TAF2: variants seen among roughly 807,000 people sequenced by gnomAD.
The protein encoded by TAF2 is transcription initiation factor TFIID subunit 2.
A neutral mutation model predicts 138.5 loss-of-function variants in TAF2; 61 were observed. The ratio of observed to expected loss-of-function variants is 0.44; its 90% CI spans 0.36 to 0.54. TAF2 has a LOEUF of 0.54. Among genes scored for constraint, TAF2 ranks in the 20% least tolerant of loss-of-function variants. The pLI is 0.00. For synonymous variants in TAF2, 475 were observed against 469.9 expected, an observed-to-expected ratio of 1.01 and a Z score of -0.14; for missense variants, 1,090 against 1,427.9, an observed-to-expected ratio of 0.76 and a Z score of 3.81.
At chr8:119,793,521 G>A in intron 9 of TAF2, 70 bp from the exon 10 acceptor site, 1 of 1,063,134 alleles carries the variant, frequency 9.4e-7, no homozygotes, top group Non-Finnish European at 1.4e-6. Context: ...CCAAATTTTA[G>A]AATTAAACTG....
At chr8:119,807,284 T>C (rs1344157501) in intron 3 of TAF2, among the ~76,000 whole-genome samples, 2 of 152,216 alleles carry the variant, frequency 1.3e-5, no homozygotes, top group African/African-American at 4.8e-5. Context: ...TCCATAGTTA[T>C]CTGACCTTAT....
intron 25 of TAF2, among the ~76,000 whole-genome samples, chr8:119,735,944 T>C (rs1269141542): frequency 6.6e-6 from 1 of 152,194 alleles, no homozygotes; most frequent in Non-Finnish European, 1.5e-5. Context: ...TCATTCTATA[T>C]CAACAGACTT....
At chr8:119,818,686 G>A (rs1166624917) in intron 3 of TAF2, among the ~76,000 whole-genome samples, 1 of 151,138 alleles carries the variant, frequency 6.6e-6, no homozygotes, top group African/African-American at 2.4e-5. Flanking sequence ...ACTACACTGA[G>A]CAAATGGAGT....
intron 19 of TAF2, among the ~76,000 whole-genome samples, chr8:119,761,172 G>A (rs959180769): frequency 1.3e-5 from 2 of 151,938 alleles, no homozygotes; most frequent in Non-Finnish European, 2.9e-5. Flanking sequence ...CTTTTATACC[G>A]TATTTTTACC....
intron 14 of TAF2, among the ~76,000 whole-genome samples, chr8:119,786,783 G>A (rs544202429): frequency 3.9e-5 from 6 of 152,214 alleles, no homozygotes; most frequent in South Asian, 2.1e-4. Context: ...GTAGCGGGGC[G>A]TGGTGGCAGG....
intron 9 of TAF2, 76 bp downstream of exon 9, chr8:119,795,456 T>G: frequency 7.8e-7 from 1 of 1,280,022 alleles, no homozygotes; most frequent in East Asian, 2.4e-5. Context: ...CAAGCAGTAT[T>G]TTAAAAGTAT....
At chr8:119,809,425 A>G (rs955722940) in intron 3 of TAF2, among the ~76,000 whole-genome samples, 1 of 152,212 alleles carries the variant, frequency 6.6e-6, no homozygotes, top group Non-Finnish European at 1.5e-5. Context: ...CACATCAGCA[A>G]TAAGACTGTT....
At chr8:119,796,678 C>T (rs1378092934) in intron 8 of TAF2, among the ~76,000 whole-genome samples, 1 of 152,016 alleles carries the variant, frequency 6.6e-6, no homozygotes, top group African/African-American at 2.4e-5. Context: ...TTATAAACTG[C>T]AGAAGTGATT....
chr8:119,761,796 G>C (rs1446470942), intron 19 of TAF2: 1 of 143,510 alleles, frequency 7.0e-6, no homozygotes, highest in Non-Finnish European at 1.5e-5. Context: ...GCGAAACTTG[G>C]TCTCAAAAAA....
chr8:119,818,715 T>C (rs924594652), intron 3 of TAF2, among the ~76,000 whole-genome samples: 1 of 140,548 alleles, frequency 7.1e-6, no homozygotes, highest in African/African-American at 2.6e-5. Context: ...ACCACAAAGA[T>C]GACAAAAAAA....
intron 14 of TAF2, among the ~76,000 whole-genome samples, chr8:119,786,505 T>C (rs1823020602): frequency 6.6e-6 from 1 of 152,126 alleles, no homozygotes; most frequent in South Asian, 2.1e-4. Flanking sequence ...TAAAACTAAA[T>C]GTTAAAAATT....
chr8:119,735,390 T>C (rs768157857), intron 25 of TAF2, among the ~76,000 whole-genome samples: 6 of 152,174 alleles, frequency 3.9e-5, no homozygotes, highest in Non-Finnish European at 8.8e-5. Context: ...TCCAACTAAA[T>C]ATAACTTGAA....
chr8:119,802,072 T>C, intron 5 of TAF2, 47 bp from the exon 6 acceptor site: 2 of 1,459,016 alleles, frequency 1.4e-6, no homozygotes, highest in Non-Finnish European at 1.9e-6. Flanking sequence ...AAGAGTTCTC[T>C]ACATTGTTTT....
At position 119,791,469 on chromosome 8, in the gene TAF2, AT is replaced by A. The variant is rs756971477; in HGVS notation, c.1278-11del. 23 of 1,611,782 alleles carry A rather than the reference AT, an allele frequency of 1.4e-5. No homozygotes were observed. The highest frequency in any genetic ancestry group is 2.0e-5 in the Non-Finnish European group (23 of 1,178,648). On this transcript the variant is annotated splice_polypyrimidine_tract_variant and intron_variant, in intron 10 of 25. Transcript: ENST00000378164. ...TAGATGGGAAGCCGGACTAAAAAAA[AT>A]AAACACATTTACCTAATACAGCAAA...
At chr8:119,742,848 G>A (rs1819691900) in intron 24 of TAF2, among the ~76,000 whole-genome samples, 192 bp from the exon 25 acceptor site, 1 of 152,058 alleles carries the variant, frequency 6.6e-6, no homozygotes, top group South Asian at 2.1e-4. Context: ...TTGGGAGGCT[G>A]AGGAGGGAGG....
intron 16 of TAF2, among the ~76,000 whole-genome samples, chr8:119,781,931 G>A (rs1395351762): frequency 2.0e-5 from 3 of 152,028 alleles, no homozygotes; most frequent in Admixed American, 6.6e-5. Context: ...CAAGTGATCC[G>A]CCTGCCTCGG....
chr8:119,739,011 T>G (rs1277462), intron 25 of TAF2, among the ~76,000 whole-genome samples: 1 of 102,452 alleles, frequency 9.8e-6, no homozygotes, highest in African/African-American at 4.1e-5. Flanking sequence ...TTTAAAGAAG[T>G]TTTTTTTTTT....
Position 119,801,985 on chromosome 8 carries a change from T to C in TAF2, c.601A>G (p.Thr201Ala). 6.2e-7 allele frequency: 1 copy of C among 1,614,132 alleles called. No homozygotes were observed. Among genetic ancestry groups the C allele is most frequent in the Non-Finnish European group, 8.5e-7 (1 of 1,180,010 alleles). Residue 201 changes from threonine (T) to alanine (A), a missense_variant, in exon 6 of 26, where the codon ACA becomes GCA. This residue lies in a region of TAF2 where 504 missense variants were observed against 680.9 expected (regional missense o/e 0.74). Coordinates refer to ENST00000378164, the MANE Select transcript of TAF2 (RefSeq NM_003184.4). ...TCTACTGTAAATTCTAATTTCCATG[T>C]ACACAATTCAGAGTATGAATCAACA... The part of the protein sequence containing the change: ...PCVDSYSELC[T>A]WKLEFTVDAA...
chr8:119,785,183 T>TCC lies in TAF2; in HGVS notation c.1859+17_1859+18insGG, dbSNP rs774558995. 2.0e-5 allele frequency: 32 copies of TCC among 1,590,914 alleles called. No homozygotes were observed. The highest frequency in any genetic ancestry group is 2.8e-5 in the Non-Finnish European group (32 of 1,159,130). ...TGCAGAAAGTATTATAACCTTATAT[T>TCC]TAAGTTAACTAACTTACTCCATTGC... On this transcript the variant is annotated intron_variant, in intron 15 of 25. Transcript: ENST00000378164.
Sources: gnomAD v4.1 joint callset for allele counts (sites outside exome capture counted in the v4.1 genomes callset) on GRCh38, gnomAD v4.1.1 for gene constraint, gnomAD v4.1.1 regional missense constraint, MANE v1.5 for transcripts, NCBI Gene and HGNC (gene_info 2026-07-23, HGNC 2026-07-21) for gene names.